The following CNTN6 variants were observed in gnomAD, a reference collection of about 807,000 sequenced individuals.
CNTN6 encodes the protein contactin 6.
In CNTN6, 137 loss-of-function variants were observed where a neutral mutation model predicts 122.8. The observed-to-expected ratio is 1.12, with a 90% CI of 0.97 to 1.29. The LOEUF (loss-of-function observed/expected upper bound fraction) is 1.29. Among genes scored for constraint, CNTN6 ranks in the 50% most tolerant of loss-of-function variants. CNTN6 has a pLI of 0.00. For missense variants in CNTN6, 1,634 were observed against 1,223.4 expected, an observed-to-expected ratio of 1.34 and a Z score of -5.01; for synonymous variants, 570 against 426.0, an observed-to-expected ratio of 1.34 and a Z score of -4.16.
intron 20 of CNTN6, among the ~76,000 whole-genome samples, chr3:1,389,151 G>A (rs1173990752): frequency 6.5e-4 from 95 of 147,286 alleles, no homozygotes; most frequent in Middle Eastern, 3.6e-3. Flanking sequence ...AAATGTTAAC[G>A]GCAGCCAGAG....
At chr3:1,378,805 C>G (rs2126163134) in intron 17 of CNTN6, among the ~76,000 whole-genome samples, 1 of 152,234 alleles carries the variant, frequency 6.6e-6, no homozygotes, top group Non-Finnish European at 1.5e-5. Flanking sequence ...TTACTGTATC[C>G]TGTATTACAA....
intron 11 of CNTN6, among the ~76,000 whole-genome samples, chr3:1,348,239 C>A: frequency 6.9e-6 from 1 of 145,680 alleles, no homozygotes; most frequent in Admixed American, 6.9e-5. Flanking sequence ...GATTCAGATT[C>A]GATCATAAGT....
rs115181347 is a variant in CNTN6, at chr3:1,175,101, G to C, written c.55+27038G>C. Among the ~76,000 whole-genome samples, 1,482 of 151,746 alleles carry C rather than the reference G, an allele frequency of 9.8e-3. 34 individuals carry two copies. The highest frequency in any genetic ancestry group is 0.034 in the African/African-American group (1,421 of 41,392). ...ACACAAAATTTGGCCAGGCATGGTGGTGTGCCTGTAGTCACAGACACTCAG... is the reference window on the plus strand; with the variant it reads ...ACACAAAATTTGGCCAGGCATGGTGCTGTGCCTGTAGTCACAGACACTCAG... On this transcript the variant is annotated intron_variant, in intron 2 of 22. Coordinates refer to ENST00000446702, the MANE Select transcript of CNTN6 (RefSeq NM_001289080.2).
At chr3:1,256,517 G>A (rs1174851290) in intron 4 of CNTN6, among the ~76,000 whole-genome samples, 1 of 152,120 alleles carries the variant, frequency 6.6e-6, no homozygotes, top group Non-Finnish European at 1.5e-5. Context: ...TTTCAGAGAT[G>A]TCCTGAGGTT....
intron 1 of CNTN6, among the ~76,000 whole-genome samples, chr3:1,094,162 A>G (rs1367189707): frequency 6.6e-6 from 1 of 152,184 alleles, no homozygotes; most frequent in Non-Finnish European, 1.5e-5. Flanking sequence ...AGCAATTTTC[A>G]TTTATCTGAT....
chr3:1,307,949 A>G (rs1315861747), intron 7 of CNTN6, among the ~76,000 whole-genome samples: 1 of 152,078 alleles, frequency 6.6e-6, no homozygotes, highest in Non-Finnish European at 1.5e-5. Flanking sequence ...TCCACTGTAA[A>G]ATTACTCTTT....
chr3:1,373,999 G>A lies in CNTN6; in HGVS notation c.2021G>A (p.Arg674His), dbSNP rs141146052. The change falls in exon 16 of 23, where the codon CGT (arginine) becomes CAT (histidine). Residue 674 changes from arginine (R) to histidine (H), a missense_variant. Arg to His is a conservative substitution (Grantham distance 29). Transcript: ENST00000446702. The stretch of plus-strand genomic sequence containing the variant: ...AGTCCTTGGGTGGAATATGAATTTC[G>A]TGTTGTTGCCGGCAACAGCATTGGG... ...GLSPWVEYEF[R>H]VVAGNSIGIG... 5.2e-5 allele frequency: 84 copies of A among 1,613,088 alleles called. No homozygotes were observed. The highest frequency in any genetic ancestry group is 6.9e-5 in the Non-Finnish European group (81 of 1,179,398).
chr3:1,193,706 G>A (rs951935326), intron 2 of CNTN6, among the ~76,000 whole-genome samples: 10 of 151,932 alleles, frequency 6.6e-5, no homozygotes, highest in African/African-American at 2.4e-4. Context: ...ATAAAATACA[G>A]TCCACTACAG....
At chr3:1,289,637 A>C (rs185072147) in intron 5 of CNTN6, among the ~76,000 whole-genome samples, 1 of 151,388 alleles carries the variant, frequency 6.6e-6, no homozygotes, top group Non-Finnish European at 1.5e-5. Flanking sequence ...GATGCAGAGG[A>C]GACTGAGTTT....
chr3:1,243,317 G>T (rs889835426), intron 4 of CNTN6, among the ~76,000 whole-genome samples: 1 of 152,170 alleles, frequency 6.6e-6, no homozygotes, highest in African/African-American at 2.4e-5. Context: ...TGGCTGCTGC[G>T]GTTCAGGTGT....
intron 2 of CNTN6, among the ~76,000 whole-genome samples, chr3:1,193,930 C>T (rs996045880): frequency 6.6e-5 from 10 of 152,156 alleles, no homozygotes; most frequent in East Asian, 3.9e-4. Context: ...AGATATGAAA[C>T]GTTTTCTTGT....
At chr3:1,289,737 C>T (rs1182672560) in intron 5 of CNTN6, among the ~76,000 whole-genome samples, 3 of 148,370 alleles carry the variant, frequency 2.0e-5, no homozygotes, top group African/African-American at 5.0e-5. Flanking sequence ...GGCAGGGGCG[C>T]GATCTCAGCT....
At position 1,277,346 on chromosome 3, in the gene CNTN6, C is replaced by CT. The variant is rs10599744; in HGVS notation, c.359-1036dup. On this transcript the variant is annotated intron_variant, in intron 4 of 22. Coordinates refer to ENST00000446702, the MANE Select transcript of CNTN6 (RefSeq NM_001289080.2). ...CTACTTCTGTCTTTTAGTAGGTTTT[C>CT]TTTTTTTTTTTTTTTTTTTTTTTTT... Among the ~76,000 whole-genome samples, 22 of 80,190 alleles carry CT rather than the reference C, an allele frequency of 2.7e-4. 4 individuals carry two copies. Among genetic ancestry groups the CT allele is most frequent in the Non-Finnish European group, 4.6e-4 (19 of 41,122 alleles). The allele number at this position is 80,190 out of a possible 152,430, so 52.6% of individuals were successfully genotyped here.
intron 16 of CNTN6, among the ~76,000 whole-genome samples, chr3:1,376,024 C>A (rs749049627): frequency 6.6e-6 from 1 of 152,048 alleles, no homozygotes; most frequent in Non-Finnish European, 1.5e-5. Flanking sequence ...TATCCAAGTG[C>A]CTCCTCAACC....
intron 2 of CNTN6, among the ~76,000 whole-genome samples, chr3:1,217,077 A>T (rs972129347): frequency 6.6e-6 from 1 of 152,200 alleles, no homozygotes; most frequent in African/African-American, 2.4e-5. Context: ...TAAATCTCAA[A>T]ACAACCATCT....
At chr3:1,279,572 G>A (rs7645957) in intron 5 of CNTN6, among the ~76,000 whole-genome samples, 3,715 of 152,262 alleles carry the variant, frequency 0.024, 149 homozygotes, top group African/African-American at 0.084. Context: ...CACGCAGCTG[G>A]CAGGCAATGA....
intron 4 of CNTN6, among the ~76,000 whole-genome samples, chr3:1,274,883 AT>A (rs1421713413): frequency 7.2e-5 from 11 of 152,118 alleles, no homozygotes; most frequent in African/African-American, 2.7e-4. Context: ...TCATCATTTT[AT>A]TTAATCCCCA....
At chr3:1,380,705 C>T (rs900808708) in intron 17 of CNTN6, among the ~76,000 whole-genome samples, 2 of 152,158 alleles carry the variant, frequency 1.3e-5, no homozygotes, top group Admixed American at 1.3e-4. Flanking sequence ...CCACATACCA[C>T]TTACAAACAT....
chr3:1,255,800 G>T (rs2125687357), intron 4 of CNTN6, among the ~76,000 whole-genome samples: 1 of 152,178 alleles, frequency 6.6e-6, no homozygotes, highest in East Asian at 1.9e-4. Flanking sequence ...AGCCTCCTGA[G>T]TAGTAGCTGG....
Sources: gnomAD v4.1 joint callset for allele counts (sites outside exome capture counted in the v4.1 genomes callset) on GRCh38, gnomAD v4.1.1 for gene constraint, MANE v1.5 for transcripts, NCBI Gene and HGNC (gene_info 2026-07-23, HGNC 2026-07-21) for gene names.